Variants in CNTN1 observed in about 807,000 individuals in gnomAD.
CNTN1 encodes the protein contactin 1.
In CNTN1, 38 loss-of-function variants were observed where a neutral mutation model predicts 126.4. The observed-to-expected ratio is 0.30, with a 90% CI of 0.23 to 0.39. CNTN1 has a LOEUF of 0.39. Ranked by LOEUF, CNTN1 falls within the 10% of genes least tolerant of loss-of-function variation. The probability of loss-of-function intolerance (pLI) is 1.00; values close to 1 mark genes in which losing one functional copy is unlikely to be tolerated. For missense variants in CNTN1, 1,009 were observed against 1,248.4 expected (o/e 0.81, Z 2.89); for synonymous variants, 413 against 422.6 (o/e 0.98, Z 0.28).
At chr12:40,855,250 C>G (rs1051589784) in intron 1 of CNTN1, among the ~76,000 whole-genome samples, 6 of 152,042 alleles carry the variant, frequency 3.9e-5, no homozygotes, top group African/African-American at 7.2e-5. Flanking sequence ...TTGACATAAA[C>G]ATTCATCATA....
intron 14 of CNTN1, among the ~76,000 whole-genome samples, chr12:40,947,764 C>CATATATATATAT (rs34815270): frequency 7.3e-4 from 50 of 68,270 alleles, no homozygotes; most frequent in African/African-American, 3.1e-3. Flanking sequence ...GTCACTATTT[C>CATATATATATAT]ATATATATAT....
At chr12:40,743,041 A>T (rs1019031501) in intron 1 of CNTN1, among the ~76,000 whole-genome samples, 4 of 152,130 alleles carry the variant, frequency 2.6e-5, no homozygotes, top group African/African-American at 9.7e-5. Flanking sequence ...AGGACAAATT[A>T]TTCTGCAGGT....
intron 1 of CNTN1, among the ~76,000 whole-genome samples, chr12:40,771,190 A>G (rs1180258382): frequency 6.6e-6 from 1 of 152,116 alleles, no homozygotes; most frequent in Non-Finnish European, 1.5e-5. Context: ...CTACAATTAG[A>G]GAAAAGATTG....
At chr12:41,042,718 C>G (rs1035279374) in intron 23 of CNTN1, among the ~76,000 whole-genome samples, 1 of 152,104 alleles carries the variant, frequency 6.6e-6, no homozygotes, top group African/African-American at 2.4e-5. Context: ...AAGAACTAAG[C>G]TGGAGGCATC....
chr12:41,045,366 T>C (rs985428606), intron 23 of CNTN1, among the ~76,000 whole-genome samples: 3 of 152,232 alleles, frequency 2.0e-5, no homozygotes, highest in South Asian at 2.1e-4. Flanking sequence ...ATAAAAACAA[T>C]TGTCTGTTCT....
At chr12:40,703,025 A>AT (rs143273017) in intron 1 of CNTN1, among the ~76,000 whole-genome samples, 5 of 151,866 alleles carry the variant, frequency 3.3e-5, no homozygotes, top group Non-Finnish European at 5.9e-5. Context: ...GTATATATAT[A>AT]TTTTTTACAG....
At chr12:40,877,520 A>G (rs1211880625) in intron 1 of CNTN1, among the ~76,000 whole-genome samples, 1 of 152,156 alleles carries the variant, frequency 6.6e-6, no homozygotes, top group Non-Finnish European at 1.5e-5. Flanking sequence ...ACCAAAATCA[A>G]TCTGGGACAA....
At chr12:40,947,819 A>AT (rs1460517844) in intron 14 of CNTN1, among the ~76,000 whole-genome samples, 58 of 148,958 alleles carry the variant, frequency 3.9e-4, no homozygotes, top group Non-Finnish European at 5.5e-4. Context: ...ACACACACAC[A>AT]CACACACACA....
chr12:40,963,545 T>C (rs1164405362), intron 15 of CNTN1, among the ~76,000 whole-genome samples: 1 of 151,454 alleles, frequency 6.6e-6, no homozygotes, highest in Non-Finnish European at 1.5e-5. Flanking sequence ...ATGTTTAAAA[T>C]GTTTAAAATA....
intron 15 of CNTN1, among the ~76,000 whole-genome samples, chr12:40,977,074 T>A (rs185755533): frequency 6.6e-6 from 1 of 152,106 alleles, no homozygotes; most frequent in Non-Finnish European, 1.5e-5. Context: ...TGGTTTTATG[T>A]ATTTTAGGGG....
At chr12:40,777,349 T>C (rs951536378) in intron 1 of CNTN1, among the ~76,000 whole-genome samples, 3 of 151,610 alleles carry the variant, frequency 2.0e-5, no homozygotes, top group African/African-American at 7.3e-5. Flanking sequence ...TAATAAGCTC[T>C]TCCTAGGACT....
chr12:40,775,625 T>C (rs1939548784), intron 1 of CNTN1, among the ~76,000 whole-genome samples: 2 of 151,706 alleles, frequency 1.3e-5, no homozygotes, highest in South Asian at 4.2e-4. Flanking sequence ...TGAACATACT[T>C]TAAGTCTGGA....
chr12:40,834,656 A>C (rs1417691172), intron 1 of CNTN1, among the ~76,000 whole-genome samples: 1 of 152,212 alleles, frequency 6.6e-6, no homozygotes, highest in African/African-American at 2.4e-5. Context: ...TAAAAGAAAT[A>C]GATCAGTATG....
rs375550176 is a variant in CNTN1 at position 40,877,514 on chromosome 12, A to G, written c.-76-30843A>G. Among the ~76,000 whole-genome samples the G allele has an allele frequency of 2.0e-5, 3 of 152,328 alleles. No homozygotes were observed. The East Asian group carries it at 5.8e-4, about 29-fold the overall frequency. On this transcript the variant is annotated intron_variant, in intron 1 of 23. Coordinates refer to ENST00000551295, the MANE Select transcript of CNTN1 (RefSeq NM_001843.4). ...CTCTGGGAGAGTGAGTCAGAAACCA[A>G]AATCAATCTGGGACAATATATCATT... is the stretch of plus-strand genomic sequence containing the variant.
chr12:40,866,687 T>C (rs940513709), intron 1 of CNTN1, among the ~76,000 whole-genome samples: 6 of 152,194 alleles, frequency 3.9e-5, no homozygotes, highest in Non-Finnish European at 8.8e-5. Flanking sequence ...TAATCCTTTT[T>C]ACCTATCTAG....
chr12:40,928,984 G>T (rs1291773157), intron 6 of CNTN1, among the ~76,000 whole-genome samples: 1 of 151,976 alleles, frequency 6.6e-6, no homozygotes, highest in Non-Finnish European at 1.5e-5. Flanking sequence ...GTCTTTATGT[G>T]ATCAAGATGT....
At position 40,829,258 on chromosome 12, in the gene CNTN1, A is replaced by G. The variant is rs1429723637; in HGVS notation, c.-76-79099A>G. 2.0e-5 allele frequency among the ~76,000 whole-genome samples: 3 copies of G among 152,082 alleles called. No individual in the cohort carries two copies. The East Asian group carries it at 5.8e-4, about 29-fold the overall frequency. On this transcript the variant is annotated intron_variant, in intron 1 of 23. Transcript: ENST00000551295. ...CAATTTATATTATTAGTGAACATAT[A>G]TTACTAGTGAATATATATACTAGTG... is the stretch of plus-strand genomic sequence containing the variant.
At chr12:40,913,463 A>G (rs1473797600) in intron 3 of CNTN1, among the ~76,000 whole-genome samples, 2 of 152,170 alleles carry the variant, frequency 1.3e-5, no homozygotes, top group East Asian at 1.9e-4. Context: ...TAGTCTTTTG[A>G]AATTTTGATG....
Position 40,916,832 on chromosome 12 carries a change from T to C in CNTN1, c.95-1807T>C, listed in dbSNP as rs959694716. On this transcript the variant is annotated intron_variant, in intron 3 of 23. Coordinates refer to ENST00000551295, the MANE Select transcript of CNTN1 (RefSeq NM_001843.4). ...CAAATTGCTTGCCTAAGACAATAAC[T>C]AGAAAAGTTCATGGCAGGAGCTAAG... Among the ~76,000 whole-genome samples, 3 of 152,054 alleles carry C rather than the reference T, an allele frequency of 2.0e-5. No individual in the cohort carries two copies. In the East Asian group the frequency reaches 5.8e-4, roughly 29 times the overall value.
Sources: gnomAD v4.1 joint callset for allele counts (sites outside exome capture counted in the v4.1 genomes callset) on GRCh38, gnomAD v4.1.1 for gene constraint, MANE v1.5 for transcripts, NCBI Gene and HGNC (gene_info 2026-07-23, HGNC 2026-07-21) for gene names.